ATP2C1: variants seen among roughly 807,000 people sequenced by gnomAD.
ATP2C1 encodes ATPase secretory pathway Ca2+ transporting 1, also known as calcium-transporting ATPase type 2C member 1.
Under a neutral mutation model 120.5 loss-of-function variants are expected in ATP2C1, and 31 were observed. That is an observed-to-expected ratio of 0.26 (90% CI 0.19 to 0.35). ATP2C1 has a LOEUF of 0.35. Among genes scored for constraint, ATP2C1 ranks in the 10% least tolerant of loss-of-function variants. ATP2C1 has a pLI of 1.00. For missense variants in ATP2C1, 731 were observed against 1,107.5 expected (o/e 0.66, Z 4.83); for synonymous variants, 351 against 358.7 (o/e 0.98, Z 0.24).
At chr3:130,918,971 A>G in intron 2 of ATP2C1, 1 of 387,642 alleles carries the variant, frequency 2.6e-6, no homozygotes, top group South Asian at 2.0e-5. Context: ...CAGCCTGGGC[A>G]ACAGAGCAAG....
intron 8 of ATP2C1, among the ~76,000 whole-genome samples, chr3:130,946,301 C>A (rs2060151294): frequency 6.6e-6 from 1 of 152,184 alleles, no homozygotes; most frequent in Admixed American, 6.5e-5. Flanking sequence ...ATATTGTGAG[C>A]CATTTTTTAA....
chr3:131,005,960 G>A (rs963901585), downstream of ATP2C1, among the ~76,000 whole-genome samples: 23 of 152,248 alleles, frequency 1.5e-4, no homozygotes, highest in Non-Finnish European at 2.4e-4. Context: ...GTGTGTGTGT[G>A]TATATGTGTG....
intron 26 of ATP2C1, 62 bp from the exon 27 acceptor site, chr3:130,999,456 A>G: frequency 6.5e-7 from 1 of 1,548,658 alleles, no homozygotes; most frequent in East Asian, 2.3e-5. Context: ...AGAAGTGAAT[A>G]TAATAAAGAA....
intron 2 of ATP2C1, among the ~76,000 whole-genome samples, chr3:130,907,072 A>G (rs1476279599): frequency 7.6e-6 from 1 of 131,366 alleles, no homozygotes; most frequent in Non-Finnish European, 1.6e-5. Context: ...CTTTATATAT[A>G]TGTGTGTACA....
intron 12 of ATP2C1, 74 bp from the exon 13 acceptor site, chr3:130,963,897 G>A: frequency 6.3e-7 from 1 of 1,588,154 alleles, no homozygotes; most frequent in Non-Finnish European, 8.6e-7. Context: ...TAAGCTTTAA[G>A]TAACATCCAA....
chr3:130,878,859 AC>A (rs1280683679), intron 1 of ATP2C1, among the ~76,000 whole-genome samples: 1 of 152,140 alleles, frequency 6.6e-6, no homozygotes. Context: ...TTCAAATAGA[AC>A]CTTTTTGTGT....
At chr3:130,883,643 G>T (rs2068859447) in intron 1 of ATP2C1, among the ~76,000 whole-genome samples, 1 of 151,936 alleles carries the variant, frequency 6.6e-6, no homozygotes, top group South Asian at 2.1e-4. Context: ...GTAGAGACAG[G>T]GTTTCGCCAT....
intron 2 of ATP2C1, among the ~76,000 whole-genome samples, chr3:130,922,556 C>G (rs557739894): frequency 6.6e-6 from 1 of 152,072 alleles, no homozygotes; most frequent in Non-Finnish European, 1.5e-5. Flanking sequence ...CTTAGATTGT[C>G]TGTGCTCTTT....
chr3:130,907,873 A>G (rs556428576), intron 2 of ATP2C1, among the ~76,000 whole-genome samples: 1 of 152,068 alleles, frequency 6.6e-6, no homozygotes, highest in South Asian at 2.1e-4. Context: ...TACTTTGAGA[A>G]TATAATATTC....
At chr3:130,855,609 A>T (rs1199499521) in intron 1 of ATP2C1, among the ~76,000 whole-genome samples, 1 of 152,164 alleles carries the variant, frequency 6.6e-6, no homozygotes, top group Non-Finnish European at 1.5e-5. Context: ...TGGGATTAGA[A>T]TTTGGTTCGC....
chr3:131,015,212 G>C (rs1021336716), intron 26 of ATP2C1: 4 of 702,282 alleles, frequency 5.7e-6, no homozygotes, highest in Non-Finnish European at 7.8e-6. Context: ...ACCATATTTT[G>C]TATGCGTCCA....
intron 1 of ATP2C1, among the ~76,000 whole-genome samples, chr3:130,861,324 C>T (rs2068006088): frequency 6.6e-6 from 1 of 152,112 alleles, no homozygotes; most frequent in African/African-American, 2.4e-5. Context: ...GGAATCGGCT[C>T]ATGCAATTAT....
intron 2 of ATP2C1, among the ~76,000 whole-genome samples, chr3:130,928,518 A>G (rs952909531): frequency 1.3e-5 from 2 of 152,220 alleles, no homozygotes; most frequent in African/African-American, 4.8e-5. Flanking sequence ...CATGCTGGGT[A>G]CTAGAGTTAG....
At chr3:130,971,774 T>C (rs1298061365) in intron 17 of ATP2C1, among the ~76,000 whole-genome samples, 1 of 152,182 alleles carries the variant, frequency 6.6e-6, no homozygotes, top group African/African-American at 2.4e-5. Context: ...AGCCTTCCTT[T>C]ACCCCTGTGG....
chr3:130,905,630 TTG>T (rs2058086340), intron 2 of ATP2C1, among the ~76,000 whole-genome samples: 1 of 152,136 alleles, frequency 6.6e-6, no homozygotes, highest in East Asian at 1.9e-4. Flanking sequence ...TGTTAGTCAC[TTG>T]TAATAAAATT....
chr3:130,984,713 C>G (rs2061918211), intron 20 of ATP2C1, among the ~76,000 whole-genome samples: 1 of 151,676 alleles, frequency 6.6e-6, no homozygotes, highest in Non-Finnish European at 1.5e-5. Context: ...ACCACAGTCC[C>G]CAAAGATCAA....
intron 16 of ATP2C1, among the ~76,000 whole-genome samples, chr3:130,969,059 C>T (rs573192800): frequency 5.3e-5 from 8 of 152,210 alleles, no homozygotes; most frequent in East Asian, 1.9e-4. Context: ...GTTTAGTCAG[C>T]GTACAATCCA....
At chr3:130,900,727 G>A (rs777541769) in intron 2 of ATP2C1, among the ~76,000 whole-genome samples, 4 of 152,166 alleles carry the variant, frequency 2.6e-5, no homozygotes, top group Admixed American at 6.5e-5. Flanking sequence ...GTACATAAAC[G>A]TTCTGTTATT....
intron 1 of ATP2C1, among the ~76,000 whole-genome samples, chr3:130,873,448 T>C (rs2068499814): frequency 6.6e-6 from 1 of 152,196 alleles, no homozygotes; most frequent in African/African-American, 2.4e-5. Context: ...TATGTACTTT[T>C]GGTGTCTGTT....
Sources: gnomAD v4.1 joint callset for allele counts (sites outside exome capture counted in the v4.1 genomes callset) on GRCh38, gnomAD v4.1.1 for gene constraint, MANE v1.5 for transcripts, NCBI Gene and HGNC (gene_info 2026-07-23, HGNC 2026-07-21) for gene names.